The following SH3TC2 variants were observed in gnomAD, a reference collection of about 807,000 sequenced individuals.
SH3TC2 encodes the protein SH3 domain and tetratricopeptide repeats 2, also known as SH3 domain and tetratricopeptide repeat-containing protein 2.
Under a neutral mutation model 124.5 loss-of-function variants are expected in SH3TC2, and 87 were observed. The observed-to-expected ratio is 0.70, with a 90% CI of 0.59 to 0.84. SH3TC2 has a LOEUF of 0.84. Among genes scored for constraint, SH3TC2 ranks in the 40% least tolerant of loss-of-function variants. The pLI, the probability that SH3TC2 is intolerant of heterozygous loss-of-function variation, is 0.00. For synonymous variants in SH3TC2, 634 were observed against 628.5 expected, an observed-to-expected ratio of 1.01 and a Z score of -0.13; for missense variants, 1,536 against 1,566.4, an observed-to-expected ratio of 0.98 and a Z score of 0.33.
intron 12 of SH3TC2, 146 bp from the exon 13 acceptor site, chr5:149,012,880 C>T: frequency 2.2e-6 from 2 of 889,220 alleles, no homozygotes; most frequent in Non-Finnish European, 3.7e-6. Flanking sequence ...GCCAGCTCTA[C>T]CCCAATCAGC....
Position 149,041,490 on chromosome 5 carries a change from G to C in SH3TC2, c.657C>G (p.Gly219=). Residue 219 remains glycine, a synonymous_variant, in exon 6 of 17, where the codon GGC becomes GGG. Transcript: ENST00000515425. The part of the protein sequence containing the change: ...KMAEAGSELE[G]VSLVTGQRGL... ...CCCGCTGACCTGTCACCAAAGACACGCCTTCCAACTCGGAGCCAGCTTCTG... is the reference window on the plus strand; with the variant it reads ...CCCGCTGACCTGTCACCAAAGACACCCCTTCCAACTCGGAGCCAGCTTCTG... 6.2e-7 allele frequency: 1 copy of C among 1,614,100 alleles called. No individual in the cohort carries two copies. Among genetic ancestry groups the C allele is most frequent in the Non-Finnish European group, 8.5e-7 (1 of 1,180,024 alleles).
chr5:149,008,155 T>A (rs1301838563), intron 15 of SH3TC2: 2 of 154,468 alleles, frequency 1.3e-5, no homozygotes, highest in African/African-American at 4.8e-5. Context: ...AAGACCCTCC[T>A]GGAATCATCA....
intron 6 of SH3TC2, 92 bp downstream of exon 6, chr5:149,041,324 T>C (rs1169967926): frequency 1.5e-5 from 20 of 1,336,354 alleles, no homozygotes; most frequent in Admixed American, 5.8e-5. Context: ...CTCCACACTA[T>C]GGATGCCCAT....
At chr5:149,055,086 G>A (rs767373554) in intron 1 of SH3TC2, among the ~76,000 whole-genome samples, 1 of 152,098 alleles carries the variant, frequency 6.6e-6, no homozygotes, top group Non-Finnish European at 1.5e-5. Flanking sequence ...AGAAAATATA[G>A]AAGAATATCT....
At chr5:149,013,126 C>A (rs940145724) in intron 12 of SH3TC2, among the ~76,000 whole-genome samples, 4 of 152,094 alleles carry the variant, frequency 2.6e-5, no homozygotes, top group African/African-American at 9.7e-5. Context: ...TGCTCTATAA[C>A]CTTTTTTGGT....
chr5:149,031,802 C>T (rs1375686235), intron 8 of SH3TC2, 115 bp from the exon 9 acceptor site: 12 of 1,400,416 alleles, frequency 8.6e-6, no homozygotes, highest in Non-Finnish European at 1.2e-5. Flanking sequence ...AAACCAACTT[C>T]CCGCAAATGA....
chr5:148,999,153 T>C lies in SH3TC2; in HGVS notation c.*5558A>G, dbSNP rs974285448. ...GTAAGTTGCTCAGGTCACTCAGTGA[T>C]GAAAAGGAGAAAGAGCTTCAGACCC... On this transcript the variant is annotated 3_prime_UTR_variant, in exon 17 of 17. Transcript: ENST00000515425. 5.9e-5 allele frequency among the ~76,000 whole-genome samples: 9 copies of C among 152,164 alleles called. 1 individual carries two copies. Among genetic ancestry groups the C allele is most frequent in the Non-Finnish European group, 1.2e-4 (8 of 68,032 alleles).
At chr5:149,005,323 G>A (rs957230549) in intron 16 of SH3TC2, among the ~76,000 whole-genome samples, 15 of 152,122 alleles carry the variant, frequency 9.9e-5, no homozygotes, top group Non-Finnish European at 1.3e-4. Context: ...AGCTAGAAGG[G>A]GAAAAGGCCA....
Position 149,040,670 on chromosome 5 carries a change from G to C in SH3TC2, c.739C>G (p.Leu247Val), listed in dbSNP as rs772820273. The C allele has an allele frequency of 7.4e-6, 12 of 1,613,896 alleles. No homozygotes were observed. Among genetic ancestry groups the C allele is most frequent in the African/African-American group, 1.3e-5 (1 of 74,882 alleles). The change falls in exon 7 of 17, where the codon CTA becomes GTA. Residue 247 changes from leucine (L) to valine (V), a missense_variant. Around this residue, in one of 3 missense-constraint regions of SH3TC2, gnomAD observed 1,102 missense variants for 1,098.6 expected, o/e 1.00. Coordinates refer to ENST00000515425, the MANE Select transcript of SH3TC2 (RefSeq NM_024577.4). ...CCACAGCTTCCTGGATAATTCTTTA[G>C]GAACCACCTGCCAATGAAAACATGG... ...PLPLPFHQWF[L>V]KNYPGSCGLS...
chr5:149,007,757 T>A (rs1381700307), intron 15 of SH3TC2: 1 of 153,104 alleles, frequency 6.5e-6, no homozygotes, highest in African/African-American at 2.4e-5. Context: ...AGGCTTACAA[T>A]CATGTCTTTG....
chr5:149,021,865 A>T (rs1753976028), intron 12 of SH3TC2, among the ~76,000 whole-genome samples: 1 of 146,470 alleles, frequency 6.8e-6, no homozygotes, highest in East Asian at 2.1e-4. Flanking sequence ...AATTAACACC[A>T]ATCCTTCACA....
chr5:149,013,859 C>T (rs1469623757), intron 12 of SH3TC2, among the ~76,000 whole-genome samples: 1 of 152,208 alleles, frequency 6.6e-6, no homozygotes, highest in Non-Finnish European at 1.5e-5. Context: ...TAAACGTGTA[C>T]ACTGCCACAC....
intron 2 of SH3TC2, among the ~76,000 whole-genome samples, chr5:149,051,339 T>C (rs1462449400): frequency 6.6e-6 from 1 of 152,262 alleles, no homozygotes; most frequent in Non-Finnish European, 1.5e-5. Context: ...CATTTAGTTA[T>C]TCACTTATTT....
Position 148,989,309 on chromosome 5 carries a change from T to A in SH3TC2, c.*15402A>T, listed in dbSNP as rs770512169. On this transcript the variant is annotated 3_prime_UTR_variant, in exon 17 of 17. Transcript: ENST00000515425. ...AATAACTTTGCTATATAGGTATTTA[T>A]TATCCCCATTTTACAGTTGAAAGAG... 2.0e-5 allele frequency among the ~76,000 whole-genome samples: 3 copies of A among 152,254 alleles called. No individual in the cohort carries two copies. The highest frequency in any genetic ancestry group is 4.4e-5 in the Non-Finnish European group (3 of 68,042).
At chr5:149,054,580 G>C (rs1161013242) in intron 1 of SH3TC2, among the ~76,000 whole-genome samples, 1 of 152,118 alleles carries the variant, frequency 6.6e-6, no homozygotes, top group Non-Finnish European at 1.5e-5. Flanking sequence ...GGCCCACACA[G>C]TGAATTTTTA....
chr5:148,995,815 C>A lies in SH3TC2; in HGVS notation c.*8896G>T, dbSNP rs1373001114. Among the ~76,000 whole-genome samples the A allele has an allele frequency of 6.6e-6, 1 of 151,792 alleles. No individual in the cohort carries two copies. Among genetic ancestry groups the A allele is most frequent in the African/African-American group, 2.4e-5 (1 of 41,294 alleles). ...CATGGAACTTCTAATCTAGGTGGTG[C>A]ACATGGATTATTAAAATAAAAAAAC... On this transcript the variant is annotated 3_prime_UTR_variant, in exon 17 of 17. Coordinates refer to ENST00000515425, the MANE Select transcript of SH3TC2 (RefSeq NM_024577.4).
intron 12 of SH3TC2, among the ~76,000 whole-genome samples, chr5:149,013,217 T>C (rs1753813647): frequency 6.6e-6 from 1 of 152,106 alleles, no homozygotes; most frequent in African/African-American, 2.4e-5. Flanking sequence ...CCATATGTCG[T>C]GGGAGGGACT....
intron 3 of SH3TC2, chr5:149,045,963 TAA>T: frequency 2.4e-6 from 1 of 410,300 alleles, no homozygotes; most frequent in Non-Finnish European, 4.8e-6. Context: ...TTATAATACC[TAA>T]AAAAAAAGCA....
At chr5:149,056,775 G>A (rs765409584) in intron 1 of SH3TC2, among the ~76,000 whole-genome samples, 6 of 152,118 alleles carry the variant, frequency 3.9e-5, no homozygotes, top group Admixed American at 6.6e-5. Flanking sequence ...TGGATTGACC[G>A]TTTACAGCAT....
Sources: gnomAD v4.1 joint callset for allele counts (sites outside exome capture counted in the v4.1 genomes callset) on GRCh38, gnomAD v4.1.1 for gene constraint, gnomAD v4.1.1 regional missense constraint, MANE v1.5 for transcripts, NCBI Gene and HGNC (gene_info 2026-07-23, HGNC 2026-07-21) for gene names.